CMC1: variants seen among roughly 807,000 people sequenced by gnomAD.
The protein encoded by CMC1 is COX assembly mitochondrial protein homolog.
CMC1 carries 14 observed loss-of-function variants against 14.1 expected under a neutral mutation model. The ratio of observed to expected loss-of-function variants is 0.99; its 90% CI spans 0.66 to 1.55. The LOEUF (loss-of-function observed/expected upper bound fraction) is 1.55. CMC1 is among the 40% of genes most tolerant of loss of function. The pLI is 0.00. For missense variants in CMC1, 127 were observed against 123.8 expected (o/e 1.03, Z -0.12); for synonymous variants, 50 against 38.4 (o/e 1.30, Z -1.12).
Position 28,319,622 on chromosome 3 carries a change from G to A in CMC1, c.314G>A (p.Ser105Asn), listed in dbSNP as rs1703120039. The A allele has an allele frequency of 1.3e-6, 2 of 1,599,426 alleles. No individual in the cohort carries two copies. Among genetic ancestry groups the A allele is most frequent in the African/African-American group, 1.4e-5 (1 of 73,914 alleles). Residue 105 changes from serine (S) to asparagine (N), a missense_variant, in exon 4 of 4, where the codon AGC becomes AAC. Transcript: ENST00000466830. ...AAAAGGCTACAGAAGCTTCCAACAA[G>A]CATGTAGGCAGATACTCAAATGACA... ...TKKRLQKLPT[S>N]M
intron 1 of CMC1, among the ~76,000 whole-genome samples, chr3:28,250,292 T>C (rs1298772735): frequency 6.6e-6 from 1 of 152,080 alleles, no homozygotes; most frequent in Non-Finnish European, 1.5e-5. Context: ...GAAGGAGAAA[T>C]CACTTTTTAG....
rs1703296977 is a variant in CMC1, at chr3:28,324,278, T to C, written c.*4649T>C. 3.1e-6 allele frequency: 5 copies of C among 1,608,902 alleles called. No homozygotes were observed. Among genetic ancestry groups the C allele is most frequent in the African/African-American group, 1.3e-5 (1 of 74,672 alleles). On this transcript the variant is annotated 3_prime_UTR_variant, in exon 4 of 4. Transcript: ENST00000466830. The stretch of plus-strand genomic sequence containing the variant: ...TCATTGTCTGTCCATGATTGGAGGA[T>C]TGCTTTCTCTGATAAAACCTTTACA...
intron 2 of CMC1, among the ~76,000 whole-genome samples, chr3:28,282,440 C>T (rs774043665): frequency 1.1e-4 from 17 of 152,258 alleles, no homozygotes; most frequent in Admixed American, 5.2e-4. Context: ...AGGTGTCCTA[C>T]GCATTATTCC....
At chr3:28,316,241 C>CTT in intron 2 of CMC1, 92 bp from the exon 3 acceptor site, 97 of 528,408 alleles carry the variant, frequency 1.8e-4, no homozygotes, top group Non-Finnish European at 2.3e-4. Context: ...GACAGGCTTT[C>CTT]TTTTTTTTTT....
chr3:28,274,810 C>G (rs568439347), intron 2 of CMC1, among the ~76,000 whole-genome samples: 1 of 151,740 alleles, frequency 6.6e-6, no homozygotes, highest in Admixed American at 6.6e-5. Context: ...TTGTTTGTTC[C>G]TTTTCATTCT....
Position 28,319,497 on chromosome 3 carries a change from T to G in CMC1, c.201-12T>G. ...TTATTTACTTGAAAATATTTTCATT[T>G]CCTTCTCATAGCTATAATGATCCAG... On this transcript the variant is annotated splice_polypyrimidine_tract_variant and intron_variant, in intron 3 of 3. Coordinates refer to ENST00000466830, the MANE Select transcript of CMC1 (RefSeq NM_182523.2). The G allele has an allele frequency of 6.3e-7, 1 of 1,581,416 alleles. No homozygotes were observed. Among genetic ancestry groups the G allele is most frequent in the Non-Finnish European group, 8.6e-7 (1 of 1,159,648 alleles).
At chr3:28,261,620 G>A (rs1609729) in intron 1 of CMC1, among the ~76,000 whole-genome samples, 99,752 of 152,076 alleles carry the variant, frequency 0.66, 32,765 homozygotes, top group Admixed American at 0.72. Context: ...CAGAGCCACC[G>A]GAACTTTGAG....
rs145992330 is a variant in CMC1 at position 28,306,637 on chromosome 3, A to T, written c.110-9696A>T. 6.3e-3 allele frequency among the ~76,000 whole-genome samples: 955 copies of T among 151,892 alleles called. 8 individuals are homozygous for T. Among genetic ancestry groups the T allele is most frequent in the African/African-American group, 0.022 (901 of 41,376 alleles). ...TTGGTGAACTACTTACATCTTTAAA[A>T]TGAAGAATTTTTTTTTTTTTTTTTG... is the stretch of plus-strand genomic sequence containing the variant. On this transcript the variant is annotated intron_variant, in intron 2 of 3. Coordinates refer to ENST00000466830, the MANE Select transcript of CMC1 (RefSeq NM_182523.2).
intron 1 of CMC1, chr3:28,253,626 C>T (rs942827362): frequency 1.8e-6 from 1 of 570,170 alleles, no homozygotes; most frequent in African/African-American, 2.1e-5. Context: ...AAACTCCCCC[C>T]AAAAAGCTAA....
rs186113466 is a variant in CMC1, at chr3:28,313,117, A to G, written c.110-3216A>G. Among the ~76,000 whole-genome samples, 71 of 152,234 alleles carry G rather than the reference A, an allele frequency of 4.7e-4. 1 individual carries two copies. In the East Asian group the frequency reaches 0.011, roughly 24 times the overall value. ...AGTGATCCACCCACCTTAGCCCCCA[A>G]AGTGCTGGGATTACAGGCGTGAGCC... is the stretch of plus-strand genomic sequence containing the variant. On this transcript the variant is annotated intron_variant, in intron 2 of 3. Transcript: ENST00000466830.
intron 1 of CMC1, among the ~76,000 whole-genome samples, chr3:28,244,609 G>A (rs1288079993): frequency 6.6e-6 from 1 of 152,094 alleles, no homozygotes; most frequent in Admixed American, 6.5e-5. Context: ...CACGCCTGTA[G>A]TCCCAGCTAC....
In CMC1 at chr3:28,323,750, A is replaced by T; in HGVS notation, c.*4121A>T. The T allele has an allele frequency of 4.5e-6, 1 of 220,172 alleles. No homozygotes were observed. The highest frequency in any genetic ancestry group is 8.8e-6 in the Non-Finnish European group (1 of 113,468). The allele number at this position is 220,172 out of a possible 1,614,324, so 13.6% of individuals were successfully genotyped here. Reference sequence around the variant, plus strand: ...CCAATTCCATTCTTCTGAGAGGCAAAATTTTACAATTAATATAGAAGGCAG... The same window carrying T: ...CCAATTCCATTCTTCTGAGAGGCAATATTTTACAATTAATATAGAAGGCAG... On this transcript the variant is annotated 3_prime_UTR_variant, in exon 4 of 4. Coordinates refer to ENST00000466830, the MANE Select transcript of CMC1 (RefSeq NM_182523.2).
chr3:28,311,796 C>T (rs879545675), intron 2 of CMC1, among the ~76,000 whole-genome samples: 2 of 152,216 alleles, frequency 1.3e-5, no homozygotes, highest in South Asian at 2.1e-4. Flanking sequence ...ACTGCAGACA[C>T]CTTTGTCTGA....
At chr3:28,308,272 T>TAAA (rs1017529000) in intron 2 of CMC1, among the ~76,000 whole-genome samples, 1 of 148,126 alleles carries the variant, frequency 6.8e-6, no homozygotes, top group African/African-American at 2.5e-5. Flanking sequence ...GTGAAAGCTT[T>TAAA]AAAAAAAAAA....
rs140516482 is a variant in CMC1 at position 28,262,467 on chromosome 3, A to T, written c.20-824A>T. On this transcript the variant is annotated intron_variant, in intron 1 of 3. Coordinates refer to ENST00000466830, the MANE Select transcript of CMC1 (RefSeq NM_182523.2). ...CAGAGGAGGTGACCATTTGGCTCCT[A>T]CTGAGTCACTTTAATTAATAACTGT... Among the ~76,000 whole-genome samples, 1,452 of 152,234 alleles carry T rather than the reference A, an allele frequency of 9.5e-3. 14 individuals are homozygous for T. Among genetic ancestry groups the T allele is most frequent in the Middle Eastern group, 0.027 (8 of 294 alleles).
At chr3:28,301,942 C>T (rs1702071525) in intron 2 of CMC1, among the ~76,000 whole-genome samples, 1 of 151,726 alleles carries the variant, frequency 6.6e-6, no homozygotes, top group South Asian at 2.1e-4. Flanking sequence ...GAACTGGCTA[C>T]CTTGCGAGTT....
intron 2 of CMC1, among the ~76,000 whole-genome samples, chr3:28,301,052 G>T (rs972761932): frequency 6.6e-6 from 1 of 150,984 alleles, no homozygotes; most frequent in Non-Finnish European, 1.5e-5. Flanking sequence ...ATAGTATTTC[G>T]TGATACAGTG....
At chr3:28,277,548 TAAAG>T (rs898893361) in intron 2 of CMC1, among the ~76,000 whole-genome samples, 3 of 152,070 alleles carry the variant, frequency 2.0e-5, no homozygotes, top group African/African-American at 7.2e-5. Context: ...ATAAGTGCCT[TAAAG>T]AAAAATAAAT....
intron 1 of CMC1, among the ~76,000 whole-genome samples, chr3:28,245,729 A>G (rs1698789312): frequency 6.6e-6 from 1 of 152,136 alleles, no homozygotes; most frequent in Middle Eastern, 3.2e-3. Flanking sequence ...AGATTTAATT[A>G]TGGATGTTCT....
Sources: allele counts gnomAD v4.1 joint callset (sites outside exome capture counted in the v4.1 genomes callset), GRCh38; gene constraint gnomAD v4.1.1; transcripts MANE v1.5; gene names NCBI Gene and HGNC (gene_info 2026-07-23, HGNC 2026-07-21).